Variants in FBN3 observed in about 807,000 individuals in gnomAD.
FBN3 encodes fibrillin 3.
In FBN3, 234 loss-of-function variants were observed where a neutral mutation model predicts 330.1. The observed-to-expected ratio is 0.71, with a 90% CI of 0.64 to 0.79. The LOEUF is 0.79. FBN3 is among the 30% of genes least tolerant of loss of function. The pLI, the probability that FBN3 is intolerant of heterozygous loss-of-function variation, is 0.00. For missense variants in FBN3, 3,606 were observed against 3,886.9 expected (o/e 0.93, Z 1.92); for synonymous variants, 1,458 against 1,517.3 (o/e 0.96, Z 0.91).
chr19:8,086,825 G>A (rs2081974004), intron 54 of FBN3, among the ~76,000 whole-genome samples: 2 of 151,602 alleles, frequency 1.3e-5, no homozygotes, highest in South Asian at 4.2e-4. Context: ...CCAGGCTGGA[G>A]TGCAGCGGCA....
intron 41 of FBN3, 78 bp downstream of exon 41, chr19:8,100,823 G>A: frequency 8.9e-7 from 1 of 1,123,170 alleles, no homozygotes; most frequent in Non-Finnish European, 1.4e-6. Context: ...GAAAAGAGCT[G>A]TTGAGGAGGG....
rs141040799 is a variant in FBN3, at chr19:8,124,829, C to T, written c.2732-821G>A. ...GGCATTACAGGCGTGAGCCACCATGCCCGGCCACTAAGGATTTTTAGGGCA... is the reference window on the plus strand; with the variant it reads ...GGCATTACAGGCGTGAGCCACCATGTCCGGCCACTAAGGATTTTTAGGGCA... On this transcript the variant is annotated intron_variant, in intron 22 of 63. Transcript: ENST00000600128. Among the ~76,000 whole-genome samples, 437 of 152,316 alleles carry T rather than the reference C, an allele frequency of 2.9e-3. 5 individuals are homozygous for T. The highest frequency in any genetic ancestry group is 0.01 in the African/African-American group (421 of 41,576).
At chr19:8,134,539 G>A (rs982434704) in intron 13 of FBN3, among the ~76,000 whole-genome samples, 4 of 152,146 alleles carry the variant, frequency 2.6e-5, no homozygotes, top group African/African-American at 9.7e-5. Context: ...AGGCAAAGAA[G>A]CTGTGGTTGT....
intron 55 of FBN3, among the ~76,000 whole-genome samples, chr19:8,085,829 T>C (rs2081931307): frequency 6.6e-6 from 1 of 151,738 alleles, no homozygotes; most frequent in African/African-American, 2.4e-5. Flanking sequence ...GTCCCGCTCT[T>C]CCAGTATTTA....
rs533900826 is a variant in FBN3, at chr19:8,084,349, G to C, written c.7088-977C>G. 8.5e-5 allele frequency among the ~76,000 whole-genome samples: 13 copies of C among 152,092 alleles called. No individual in the cohort carries two copies. The South Asian group carries it at 2.7e-3, about 32-fold the overall frequency. On this transcript the variant is annotated intron_variant, in intron 56 of 63. Transcript: ENST00000600128. ...CACACAGACACACACCAGCTCCCACGCAGTCCGGAACGAGCTCTCACTCAC... is the reference window on the plus strand; with the variant it reads ...CACACAGACACACACCAGCTCCCACCCAGTCCGGAACGAGCTCTCACTCAC...
chr19:8,111,624 G>GGCCCGCCC, intron 32 of FBN3, 24 bp downstream of exon 32: 1 of 1,453,550 alleles, frequency 6.9e-7, no homozygotes, highest in Non-Finnish European at 9.4e-7. Flanking sequence ...TAGGGCCCCT[G>GGCCCGCCC]CCCTCCCACC....
At chr19:8,099,049 G>A (rs1048459840) in intron 41 of FBN3, among the ~76,000 whole-genome samples, 3 of 151,942 alleles carry the variant, frequency 2.0e-5, no homozygotes, top group Non-Finnish European at 4.4e-5. Context: ...CAATTTGGAC[G>A]AAAAAAGCAA....
chr19:8,124,025 C>T lies in FBN3; in HGVS notation c.2732-17G>A. The T allele has an allele frequency of 6.3e-7, 1 of 1,590,950 alleles. No homozygotes were observed. The highest frequency in any genetic ancestry group is 1.1e-5 in the South Asian group (1 of 89,964). ...ATCTCACATCTGCACGGGGGACAGT[C>T]ACTGCGTCCCCACCCCTGCCACACT... On this transcript the variant is annotated splice_polypyrimidine_tract_variant and intron_variant, in intron 22 of 63. Transcript: ENST00000600128.
At chr19:8,103,047 A>T (rs1410856934) in intron 39 of FBN3, among the ~76,000 whole-genome samples, 174 bp from the exon 40 acceptor site, 1 of 151,936 alleles carries the variant, frequency 6.6e-6, no homozygotes, top group Non-Finnish European at 1.5e-5. Context: ...CGGGCGGATC[A>T]CTTGAGGTCA....
rs1555723770 is a variant in FBN3 at position 8,073,000 on chromosome 19, T to TGTGC, written c.7937+59_7937+62dup. The TGTGC allele has an allele frequency of 4.0e-4, 362 of 916,034 alleles. 4 individuals carry two copies. The highest frequency in any genetic ancestry group is 3.8e-3 in the African/African-American group (224 of 58,768). 56.7% of individuals were successfully genotyped at this position (916,034 alleles called of 1,614,324 possible). On this transcript the variant is annotated intron_variant, in intron 62 of 63. Transcript: ENST00000600128. ...GTGTGTGTGTGTGTGTGTGTGTGTG[T>TGTGC]GTGCGTGCGTGCATGGACGCTTGCG...
chr19:8,135,936 G>GGGTCCCCCCCCCCC, intron 13 of FBN3, 25 bp downstream of exon 13: 1 of 668,778 alleles, frequency 1.5e-6, no homozygotes. Flanking sequence ...GGAAGCCCCT[G>GGGTCCCCCCCCCCC]CCCACCCGCC....
chr19:8,110,922 C>T lies in FBN3; in HGVS notation c.4256G>A (p.Cys1419Tyr), dbSNP rs2082565328. ...AQGNLCAFGS[C>Y]ENLPGMFRCI... Reference sequence around the variant, plus strand: ...GCGGAACATTCCAGGCAGGTTCTCACAGCTCCCAAATGCACAGAGGTTCCC... The same window carrying T: ...GCGGAACATTCCAGGCAGGTTCTCATAGCTCCCAAATGCACAGAGGTTCCC... The change falls in exon 34 of 64, where the codon TGT becomes TAT. Residue 1419 changes from cysteine (C) to tyrosine (Y), a missense_variant. Cys to Tyr is a radical substitution (Grantham distance 194, BLOSUM62 -2). Coordinates refer to ENST00000600128, the MANE Select transcript of FBN3 (RefSeq NM_032447.5). 1 of 1,614,272 alleles carries T rather than the reference C, an allele frequency of 6.2e-7. No individual in the cohort carries two copies. The highest frequency in any genetic ancestry group is 1.3e-5 in the African/African-American group (1 of 75,070).
chr19:8,110,755 A>C, intron 34 of FBN3, 90 bp downstream of exon 34: 1 of 1,535,322 alleles, frequency 6.5e-7, no homozygotes, highest in Non-Finnish European at 8.9e-7. Flanking sequence ...ATGCTTGAAA[A>C]GAGATCTGAG....
intron 20 of FBN3, 22 bp downstream of exon 20, chr19:8,126,446 G>A (rs373141621): frequency 7.7e-5 from 123 of 1,606,404 alleles, no homozygotes; most frequent in Non-Finnish European, 9.6e-5. Flanking sequence ...GGGTGCCTGG[G>A]AGGCCTCAAG....
chr19:8,082,167 T>A (rs1316874810), intron 57 of FBN3, among the ~76,000 whole-genome samples: 1 of 151,856 alleles, frequency 6.6e-6, no homozygotes, highest in Non-Finnish European at 1.5e-5. Context: ...GACGGTTTCA[T>A]GATGTTGGCC....
intron 40 of FBN3, among the ~76,000 whole-genome samples, chr19:8,101,806 T>C (rs1270250662): frequency 6.6e-6 from 1 of 152,188 alleles, no homozygotes; most frequent in African/African-American, 2.4e-5. Context: ...TTCCCACCAA[T>C]GAAAACTCCA....
At chr19:8,125,850 G>T (rs774260463) in intron 22 of FBN3, 42 bp downstream of exon 22, 31 of 1,556,220 alleles carry the variant, frequency 2.0e-5, no homozygotes, top group Non-Finnish European at 2.6e-5. Context: ...GGGAACAAAG[G>T]AAGAACGTGT....
Position 8,096,949 on chromosome 19 carries a change from T to C in FBN3, c.5345A>G (p.Asn1782Ser). 6.2e-7 allele frequency: 1 copy of C among 1,613,800 alleles called. No homozygotes were observed. The highest frequency in any genetic ancestry group is 8.5e-7 in the Non-Finnish European group (1 of 1,179,988). Residue 1782 changes from asparagine to serine, a missense_variant, in exon 43 of 64, where the codon AAC becomes AGC. Asn to Ser is a conservative substitution (Grantham distance 46). Transcript: ENST00000600128. The surrounding 1 kb of genome is among the most constrained non-coding windows in gnomAD (Gnocchi z 4.6). The part of the protein sequence containing the change: ...SPCQQNADCI[N>S]IPGSYRCKCT... Reference sequence around the variant, plus strand: ...CTTGCAGCGGTAGCTACCGGGGATGTTGATGCAGTCAGCATTCTGCTGGCA... The same window carrying C: ...CTTGCAGCGGTAGCTACCGGGGATGCTGATGCAGTCAGCATTCTGCTGGCA...
intron 27 of FBN3, 60 bp from the exon 28 acceptor site, chr19:8,117,351 G>C: frequency 6.5e-7 from 1 of 1,535,122 alleles, no homozygotes; most frequent in Non-Finnish European, 8.8e-7. Context: ...GATGGGGAGG[G>C]GGCTGGTTTG....
Sources: allele counts gnomAD v4.1 joint callset (sites outside exome capture counted in the v4.1 genomes callset), GRCh38; gene constraint gnomAD v4.1.1; non-coding constraint Gnocchi (gnomAD v3.1); transcripts MANE v1.5; gene names NCBI Gene and HGNC (gene_info 2026-07-23, HGNC 2026-07-21).